THSD7A: variants seen among roughly 807,000 people sequenced by gnomAD.
The protein encoded by THSD7A is thrombospondin type-1 domain-containing protein 7A.
A neutral mutation model predicts 231.3 loss-of-function variants in THSD7A; 96 were observed. That is an observed-to-expected ratio of 0.41 (90% CI 0.35 to 0.49). The LOEUF (loss-of-function observed/expected upper bound fraction) is 0.49, where lower values mean the gene tolerates loss of function less well. Among genes scored for constraint, THSD7A ranks in the 20% least tolerant of loss-of-function variants. The probability of loss-of-function intolerance (pLI) is 0.05; values close to 1 mark genes in which losing one functional copy is unlikely to be tolerated. For synonymous variants in THSD7A, 940 were observed against 743.3 expected (o/e 1.26, Z -4.30); for missense variants, 2,290 against 2,070.2 (o/e 1.11, Z -2.06).
rs1051337149 is a variant in THSD7A, at chr7:11,444,161, C to T, written c.3064+1900G>A. ...AAAGTCAGGAAACAACAGATGCTGGCGAGGATGTGGAGAAAGAGGAACACT... is the reference window on the plus strand; with the variant it reads ...AAAGTCAGGAAACAACAGATGCTGGTGAGGATGTGGAGAAAGAGGAACACT... On this transcript the variant is annotated intron_variant, in intron 13 of 27. Transcript: ENST00000423059. The surrounding 1 kb of genome is among the most constrained non-coding windows in gnomAD (Gnocchi z 4.2). 2.7e-4 allele frequency among the ~76,000 whole-genome samples: 41 copies of T among 152,032 alleles called. No homozygotes were observed. Among genetic ancestry groups the T allele is most frequent in the African/African-American group, 9.2e-4 (38 of 41,494 alleles).
chr7:11,686,299 C>T (rs989176014), intron 1 of THSD7A, among the ~76,000 whole-genome samples: 2 of 151,754 alleles, frequency 1.3e-5, no homozygotes, highest in South Asian at 2.1e-4. Flanking sequence ...ACATAATATA[C>T]CCCTGTAATA....
intron 1 of THSD7A, among the ~76,000 whole-genome samples, chr7:11,664,681 A>T (rs1244661680): frequency 2.6e-5 from 4 of 151,980 alleles, no homozygotes; most frequent in Non-Finnish European, 5.9e-5. Context: ...CACTTAAATA[A>T]CTACCAAGAA....
chr7:11,506,513 C>T (rs934092077), intron 6 of THSD7A, among the ~76,000 whole-genome samples: 1 of 152,162 alleles, frequency 6.6e-6, no homozygotes, highest in East Asian at 1.9e-4. Flanking sequence ...TCAGAATAAG[C>T]CTTTTAAAAC....
chr7:11,655,507 C>G (rs558260050), intron 1 of THSD7A, among the ~76,000 whole-genome samples: 12 of 151,872 alleles, frequency 7.9e-5, no homozygotes, highest in Non-Finnish European at 1.6e-4. Context: ...AAACTAAATA[C>G]TCTTGTTTTT....
chr7:11,412,543 C>G (rs1783820763), intron 18 of THSD7A, 113 bp downstream of exon 18: 3 of 1,239,220 alleles, frequency 2.4e-6, no homozygotes, highest in Non-Finnish European at 2.2e-6. Context: ...GGAAAGTAAG[C>G]AGCATATCCA....
chr7:11,489,041 A>C (rs1376010591), intron 6 of THSD7A, among the ~76,000 whole-genome samples: 4 of 152,056 alleles, frequency 2.6e-5, no homozygotes, highest in Non-Finnish European at 2.9e-5. Context: ...GTCACTTTTA[A>C]AACTTTTTCT....
intron 16 of THSD7A, among the ~76,000 whole-genome samples, chr7:11,423,493 C>G (rs569808492): frequency 5.3e-5 from 8 of 151,636 alleles, no homozygotes; most frequent in Non-Finnish European, 1.2e-4. Flanking sequence ...CTCAGCCTCC[C>G]GAGTAGCTGG....
intron 23 of THSD7A, among the ~76,000 whole-genome samples, chr7:11,397,473 G>C (rs1783232702): frequency 6.6e-6 from 1 of 152,124 alleles, no homozygotes; most frequent in Non-Finnish European, 1.5e-5. Context: ...AGAAAACCTA[G>C]GCAATACTAT....
At chr7:11,435,833 TAA>T (rs1784616580) in intron 13 of THSD7A, among the ~76,000 whole-genome samples, 3 of 152,014 alleles carry the variant, frequency 2.0e-5, no homozygotes, top group African/African-American at 7.2e-5. Context: ...TTGTGAGAAG[TAA>T]GGTTGGCTTG....
At chr7:11,554,703 G>C (rs930774379) in intron 4 of THSD7A, among the ~76,000 whole-genome samples, 2 of 151,816 alleles carry the variant, frequency 1.3e-5, no homozygotes, top group African/African-American at 4.8e-5. Flanking sequence ...ATCTGTTAGG[G>C]ATTTTTGTCT....
At chr7:11,544,518 G>T (rs1355091366) in intron 4 of THSD7A, among the ~76,000 whole-genome samples, 1 of 152,056 alleles carries the variant, frequency 6.6e-6, no homozygotes, top group Admixed American at 6.6e-5. Flanking sequence ...AATTGCATAG[G>T]ATTGCATGCA....
intron 1 of THSD7A, among the ~76,000 whole-genome samples, chr7:11,717,667 G>A (rs1311604913): frequency 6.6e-6 from 1 of 151,646 alleles, no homozygotes; most frequent in African/African-American, 2.4e-5. Flanking sequence ...AGCAAAGTAT[G>A]AGGGAGCCCA....
Position 11,460,791 on chromosome 7 carries a change from T to G in THSD7A, c.2502-26A>C, listed in dbSNP as rs757138898. 13 of 1,592,712 alleles carry G rather than the reference T, an allele frequency of 8.2e-6. No individual in the cohort carries two copies. In the Admixed American group the frequency reaches 2.3e-4, roughly 28 times the overall value. The stretch of plus-strand genomic sequence containing the variant: ...CTACAAGACAGGAACAGAAGCCCAG[T>G]GGGGAAGAAGCAAAAATGCCAGCAA... On this transcript the variant is annotated intron_variant, in intron 10 of 27. Transcript: ENST00000423059.
At chr7:11,712,377 G>A (rs542054129) in intron 1 of THSD7A, among the ~76,000 whole-genome samples, 1 of 151,028 alleles carries the variant, frequency 6.6e-6, no homozygotes, top group Admixed American at 6.6e-5. Flanking sequence ...GCAGGGAAAG[G>A]AACATGTAAC....
chr7:11,636,965 C>T lies in THSD7A; in HGVS notation c.191-4G>A. 1.3e-6 allele frequency: 2 copies of T among 1,592,258 alleles called. No individual in the cohort carries two copies. Among genetic ancestry groups the T allele is most frequent in the Non-Finnish European group, 1.7e-6 (2 of 1,171,516 alleles). On this transcript the variant is annotated splice_polypyrimidine_tract_variant and splice_region_variant and intron_variant, in intron 1 of 27. Transcript: ENST00000423059. This position sits in a 1 kb window ranked among gnomAD's most constrained non-coding sequence, Gnocchi z 10.0. Reference sequence around the variant, plus strand: ...CCCATACATCGGCCCCATGGACCTACAAAAATTATAACACAAAAATTAGCA... The same window carrying T: ...CCCATACATCGGCCCCATGGACCTATAAAAATTATAACACAAAAATTAGCA...
chr7:11,518,516 A>G (rs1788128114), intron 6 of THSD7A, among the ~76,000 whole-genome samples: 1 of 152,138 alleles, frequency 6.6e-6, no homozygotes, highest in Admixed American at 6.6e-5. Flanking sequence ...TGCAGTGGAT[A>G]CATGTAGTAA....
At chr7:11,525,873 C>T (rs1385261942) in intron 6 of THSD7A, among the ~76,000 whole-genome samples, 1 of 152,136 alleles carries the variant, frequency 6.6e-6, no homozygotes, top group Admixed American at 6.6e-5. Context: ...TGTCCACATT[C>T]TAAATGTAAC....
chr7:11,765,270 C>T lies in THSD7A; in HGVS notation c.190+66487G>A, dbSNP rs201996812. Among the ~76,000 whole-genome samples the T allele has an allele frequency of 8.5e-5, 13 of 152,090 alleles. No individual in the cohort carries two copies. In the East Asian group the frequency reaches 1.9e-3, roughly 23 times the overall value. On this transcript the variant is annotated intron_variant, in intron 1 of 27. Transcript: ENST00000423059. Reference sequence around the variant, plus strand: ...CTCATACATACATGAACTTGTGATGCGAATATTTAAGTTTGCTATCTTAGG... The same window carrying T: ...CTCATACATACATGAACTTGTGATGTGAATATTTAAGTTTGCTATCTTAGG...
Position 11,636,262 on chromosome 7 carries a change from C to T in THSD7A, c.890G>A (p.Arg297His), listed in dbSNP as rs750574911. Reference protein sequence around the residue: ...RSKGVKDPEARELIKKKRNRN... With the variant: ...RSKGVKDPEAHELIKKKRNRN... Reference sequence around the variant, plus strand: ...GTTTCTCTTTTTCTTAATAAGCTCGCGGGCTTCTGGATCCTTTACTCCTTT... The same window carrying T: ...GTTTCTCTTTTTCTTAATAAGCTCGTGGGCTTCTGGATCCTTTACTCCTTT... Residue 297 changes from arginine (R) to histidine (H), a missense_variant, in exon 2 of 28, where the codon CGC (arginine) becomes CAC (histidine). Coordinates refer to ENST00000423059, the MANE Select transcript of THSD7A (RefSeq NM_015204.3). The surrounding 1 kb of genome is among the most constrained non-coding windows in gnomAD (Gnocchi z 10.0). The T allele has an allele frequency of 2.9e-5, 47 of 1,613,988 alleles. No homozygotes were observed. The Admixed American group carries it at 6.7e-4, about 23-fold the overall frequency.
Sources: gnomAD v4.1 joint callset for allele counts (sites outside exome capture counted in the v4.1 genomes callset) on GRCh38, gnomAD v4.1.1 for gene constraint, Gnocchi (gnomAD v3.1) non-coding constraint, MANE v1.5 for transcripts, NCBI Gene and HGNC (gene_info 2026-07-23, HGNC 2026-07-21) for gene names.